The following TSEN15 variants were observed in gnomAD, a reference collection of about 807,000 sequenced individuals.
TSEN15 encodes tRNA splicing endonuclease subunit 15.
Under a neutral mutation model 20.5 loss-of-function variants are expected in TSEN15, and 10 were observed. The ratio of observed to expected loss-of-function variants is 0.49; its 90% CI spans 0.30 to 0.83. TSEN15 has a LOEUF of 0.83. Among genes scored for constraint, TSEN15 ranks in the 40% least tolerant of loss-of-function variants. The pLI is 0.06. For synonymous variants in TSEN15, 72 were observed against 80.1 expected, an observed-to-expected ratio of 0.90 and a Z score of 0.54; for missense variants, 180 against 218.6, an observed-to-expected ratio of 0.82 and a Z score of 1.11.
chr1:184,062,218 G>T (rs1476030332), intron 3 of TSEN15, among the ~76,000 whole-genome samples: 1 of 151,966 alleles, frequency 6.6e-6, no homozygotes, highest in Admixed American at 6.6e-5. Context: ...TTTTTAGTTT[G>T]CATTATAATG....
At chr1:184,072,496 A>C (rs541022812) in intron 4 of TSEN15, 198 bp downstream of exon 4, 10 of 447,884 alleles carry the variant, frequency 2.2e-5, no homozygotes, top group East Asian at 1.8e-4. Flanking sequence ...TTATTTTTGC[A>C]AAAAAAAAAT....
intron 3 of TSEN15, chr1:184,094,132 A>C (rs1300628260): frequency 6.6e-6 from 1 of 152,082 alleles, no homozygotes; most frequent in Non-Finnish European, 1.5e-5. Context: ...ATTAGCTATT[A>C]TTATCATCTT....
chr1:184,086,536 T>C (rs564107292), intron 3 of TSEN15, among the ~76,000 whole-genome samples: 1 of 152,336 alleles, frequency 6.6e-6, no homozygotes, highest in Admixed American at 6.5e-5. Flanking sequence ...GAGGTTTCCA[T>C]GAAGATATTA....
intron 3 of TSEN15, among the ~76,000 whole-genome samples, chr1:184,056,733 A>C: frequency 6.6e-6 from 1 of 152,152 alleles, no homozygotes; most frequent in Admixed American, 6.5e-5. Flanking sequence ...CATTTACTGA[A>C]TAGTCCCTCC....
At chr1:184,065,579 T>G (rs1650624242) in intron 3 of TSEN15, among the ~76,000 whole-genome samples, 1 of 152,206 alleles carries the variant, frequency 6.6e-6, no homozygotes, top group Admixed American at 6.5e-5. Context: ...CTGTGTTGTT[T>G]TGCCTTTTCC....
intron 1 of TSEN15, among the ~76,000 whole-genome samples, chr1:184,053,875 T>C (rs972386046): frequency 6.6e-6 from 1 of 152,200 alleles, no homozygotes; most frequent in Non-Finnish European, 1.5e-5. Flanking sequence ...CATCACAAGT[T>C]TTATTAAAAA....
chr1:184,067,246 C>T (rs960701804), intron 3 of TSEN15, among the ~76,000 whole-genome samples: 1 of 152,202 alleles, frequency 6.6e-6, no homozygotes, highest in African/African-American at 2.4e-5. Context: ...TTACCACTTA[C>T]ACTACAACTG....
At chr1:184,059,605 C>G (rs1557879574) in intron 3 of TSEN15, among the ~76,000 whole-genome samples, 3 of 152,152 alleles carry the variant, frequency 2.0e-5, no homozygotes, top group African/African-American at 7.2e-5. Flanking sequence ...GATTCTGGCT[C>G]TGTCACTCAG....
chr1:184,076,411 C>T (rs1266641671), downstream of TSEN15, among the ~76,000 whole-genome samples: 1 of 152,094 alleles, frequency 6.6e-6, no homozygotes, highest in African/African-American at 2.4e-5. Flanking sequence ...GACTGCCCTA[C>T]CAACCAGGAT....
At chr1:184,083,281 C>T (rs1042290563) in intron 3 of TSEN15, among the ~76,000 whole-genome samples, 3 of 152,138 alleles carry the variant, frequency 2.0e-5, no homozygotes, top group African/African-American at 7.2e-5. Context: ...TGAGACAAAT[C>T]ACCATCCCAT....
intron 3 of TSEN15, among the ~76,000 whole-genome samples, chr1:184,069,995 C>T (rs566823809): frequency 6.6e-6 from 1 of 152,104 alleles, no homozygotes; most frequent in South Asian, 2.1e-4. Context: ...TCATTTTTGA[C>T]AGTGATTTCT....
chr1:184,066,546 C>T (rs1264963834), intron 3 of TSEN15, among the ~76,000 whole-genome samples: 1 of 152,046 alleles, frequency 6.6e-6, no homozygotes, highest in Admixed American at 6.6e-5. Context: ...GCTGGGACTA[C>T]AGGCGCATAC....
chr1:184,067,945 T>A (rs60053547), intron 3 of TSEN15, among the ~76,000 whole-genome samples: 14,062 of 82,240 alleles, frequency 0.17, 1,125 homozygotes, highest in African/African-American at 0.2. Flanking sequence ...AAAAAAAATA[T>A]ATATATATAT....
intron 3 of TSEN15, among the ~76,000 whole-genome samples, chr1:184,081,431 T>G (rs1651165044): frequency 6.6e-6 from 1 of 152,128 alleles, no homozygotes; most frequent in African/African-American, 2.4e-5. Context: ...TTACTGCAAT[T>G]AGGAAGCAGC....
intron 3 of TSEN15, among the ~76,000 whole-genome samples, chr1:184,057,814 T>A (rs1650302160): frequency 6.6e-6 from 1 of 152,198 alleles, no homozygotes; most frequent in Non-Finnish European, 1.5e-5. Context: ...CCTTACTGTT[T>A]TCTCTGTGTT....
chr1:184,066,530 T>C lies in TSEN15; in HGVS notation c.354-5627T>C, dbSNP rs142026933. Among the ~76,000 whole-genome samples, 471 of 152,022 alleles carry C rather than the reference T, an allele frequency of 3.1e-3. 2 individuals carry two copies. Among genetic ancestry groups the C allele is most frequent in the African/African-American group, 7.4e-3 (307 of 41,476 alleles). The stretch of plus-strand genomic sequence containing the variant: ...AAGCAATTCTCATGCCTCAGCCTCT[T>C]GAGTAGCTGGGACTACAGGCGCATA... On this transcript the variant is annotated intron_variant, in intron 3 of 4. Coordinates refer to ENST00000645668, the MANE Select transcript of TSEN15 (RefSeq NM_052965.4).
chr1:184,053,982 T>C (rs1650150288), intron 1 of TSEN15, among the ~76,000 whole-genome samples: 1 of 152,240 alleles, frequency 6.6e-6, no homozygotes, highest in Non-Finnish European at 1.5e-5. Flanking sequence ...ATTACTCTAC[T>C]TCTCCACTTA....
chr1:184,079,190 T>C (rs1271079534), downstream of TSEN15, among the ~76,000 whole-genome samples: 3 of 152,164 alleles, frequency 2.0e-5, no homozygotes, highest in African/African-American at 7.2e-5. Flanking sequence ...AAAAATCAAA[T>C]GTCTAGTAGG....
At chr1:184,060,324 T>A (rs1213575418) in intron 3 of TSEN15, among the ~76,000 whole-genome samples, 3 of 152,236 alleles carry the variant, frequency 2.0e-5, no homozygotes, top group Non-Finnish European at 2.9e-5. Context: ...GTCTCTTCAC[T>A]AAGGTTCAAG....
Sources: allele counts gnomAD v4.1 joint callset (sites outside exome capture counted in the v4.1 genomes callset), GRCh38; gene constraint gnomAD v4.1.1; transcripts MANE v1.5; gene names NCBI Gene and HGNC (gene_info 2026-07-23, HGNC 2026-07-21).